The following APIP variants were observed in gnomAD, a reference collection of about 807,000 sequenced individuals.
APIP encodes the protein methylthioribulose-1-phosphate dehydratase.
In APIP, 32 loss-of-function variants were observed where a neutral mutation model predicts 32.0. The observed-to-expected ratio is 1.00, with a 90% CI of 0.76 to 1.34. The LOEUF (loss-of-function observed/expected upper bound fraction) is 1.34. Among genes scored for constraint, APIP ranks in the 40% most tolerant of loss-of-function variants. APIP has a pLI of 0.00. For missense variants in APIP, 247 were observed against 298.6 expected, an observed-to-expected ratio of 0.83 and a Z score of 1.27; for synonymous variants, 92 against 94.8, an observed-to-expected ratio of 0.97 and a Z score of 0.17.
intron 1 of APIP, among the ~76,000 whole-genome samples, chr11:34,899,851 C>A (rs1288715591): frequency 1.3e-5 from 2 of 152,198 alleles, no homozygotes; most frequent in African/African-American, 4.8e-5. Flanking sequence ...TTCTTCTCCA[C>A]CCTGGGTCAT....
chr11:34,894,328 T>C (rs1486985942), intron 2 of APIP, among the ~76,000 whole-genome samples: 1 of 151,940 alleles, frequency 6.6e-6, no homozygotes. Context: ...CAATAAAAAA[T>C]AATTATTAGG....
rs1238617241 is a variant in APIP at position 34,895,027 on chromosome 11, T to C, written c.141A>G (p.Gly47=). The change falls in exon 2 of 7, where the codon GGA becomes GGG. Residue 47 remains glycine (G), a synonymous_variant. Transcript: ENST00000395787. ...HLGWVTGTGG[G]ISLKHGDEIY... ...AAACTTACCCATGCTTCAAGCTAAT[T>C]CCTCCTCCAGTCCCAGTGACCCAGC... is the stretch of plus-strand genomic sequence containing the variant. 1 of 1,613,936 alleles carries C rather than the reference T, an allele frequency of 6.2e-7. No homozygotes were observed. Among genetic ancestry groups the C allele is most frequent in the Non-Finnish European group, 8.5e-7 (1 of 1,179,910 alleles).
intron 2 of APIP, among the ~76,000 whole-genome samples, chr11:34,892,481 C>T (rs545297382): frequency 6.6e-5 from 10 of 152,234 alleles, no homozygotes; most frequent in African/African-American, 2.4e-4. Flanking sequence ...ATTTTGTCTA[C>T]AATGTGACTT....
At chr11:34,896,906 T>G in intron 1 of APIP, 1 of 987,254 alleles carries the variant, frequency 1.0e-6, no homozygotes, top group Non-Finnish European at 1.4e-6. Flanking sequence ...GGAAACCTAA[T>G]GAAAAATCCC....
intron 1 of APIP, among the ~76,000 whole-genome samples, chr11:34,910,391 G>A (rs879479341): frequency 1.3e-5 from 2 of 152,198 alleles, no homozygotes; most frequent in South Asian, 2.1e-4. Context: ...TTTCAATAGT[G>A]TTGCTATAAA....
At chr11:34,909,096 AG>A (rs1853500924) in intron 1 of APIP, among the ~76,000 whole-genome samples, 2 of 152,210 alleles carry the variant, frequency 1.3e-5, no homozygotes, top group Non-Finnish European at 2.9e-5. Flanking sequence ...GGAAGCTGGA[AG>A]GAAGGGACTG....
At chr11:34,898,937 T>C (rs1284349217) in intron 1 of APIP, among the ~76,000 whole-genome samples, 1 of 152,050 alleles carries the variant, frequency 6.6e-6, no homozygotes, top group Non-Finnish European at 1.5e-5. Flanking sequence ...TAGCTGGGAC[T>C]ACAGGCGCCC....
At chr11:34,889,400 T>C (rs1373591172) in intron 3 of APIP, among the ~76,000 whole-genome samples, 2 of 152,104 alleles carry the variant, frequency 1.3e-5, no homozygotes, top group Non-Finnish European at 2.9e-5. Flanking sequence ...GAAATTTAGA[T>C]GGTACTCAGA....
At position 34,895,067 on chromosome 11, in the gene APIP, T is replaced by C; in HGVS notation, c.101A>G (p.Gln34Arg). 1.2e-6 allele frequency: 2 copies of C among 1,614,148 alleles called. No homozygotes were observed. Among genetic ancestry groups the C allele is most frequent in the Non-Finnish European group, 1.7e-6 (2 of 1,180,004 alleles). The part of the protein sequence containing the change: ...PRYLIPELCK[Q>R]FYHLGWVTGT... ...AGTGACCCAGCCTAAATGGTAAAAC[T>C]GTTTGCAAAGTTCTGGGATCAGGTA... The change falls in exon 2 of 7, where the codon CAG becomes CGG. Residue 34 changes from glutamine to arginine, a missense_variant. Physicochemically the swap from Gln to Arg is conservative, Grantham distance 43. Coordinates refer to ENST00000395787, the MANE Select transcript of APIP (RefSeq NM_015957.4).
chr11:34,885,272 T>C (rs949659082), intron 5 of APIP, among the ~76,000 whole-genome samples: 1 of 148,776 alleles, frequency 6.7e-6, no homozygotes, highest in Non-Finnish European at 1.5e-5. Context: ...TGTATATATA[T>C]ACATATAACT....
chr11:34,894,802 CT>C (rs1275838202), intron 2 of APIP, among the ~76,000 whole-genome samples: 1 of 152,218 alleles, frequency 6.6e-6, no homozygotes, highest in Non-Finnish European at 1.5e-5. Flanking sequence ...AATTGTGGAT[CT>C]TCAGTCTTTA....
intron 1 of APIP, among the ~76,000 whole-genome samples, chr11:34,915,133 C>T (rs947088829): frequency 6.7e-5 from 10 of 150,282 alleles, no homozygotes; most frequent in African/African-American, 2.4e-4. Flanking sequence ...AGTTTATTCT[C>T]GGGTCCCTTA....
chr11:34,884,437 A>T (rs557823397), intron 5 of APIP, among the ~76,000 whole-genome samples: 1 of 152,316 alleles, frequency 6.6e-6, no homozygotes, highest in South Asian at 2.1e-4. Context: ...GACTATCCTT[A>T]ACTATGGCTA....
In APIP at chr11:34,888,871, T is replaced by C; in HGVS notation, c.208-2A>G. The C allele has an allele frequency of 6.8e-7, 1 of 1,468,366 alleles. No homozygotes were observed. 91.0% of individuals were successfully genotyped at this position (1,468,366 alleles called of 1,614,324 possible). A position where few individuals can be genotyped will look rare whatever the true frequency, so the allele number is the denominator to read the frequency against. On this transcript the variant is annotated splice_acceptor_variant, in intron 3 of 6. Coordinates refer to ENST00000395787, the MANE Select transcript of APIP (RefSeq NM_015957.4). LOFTEE classifies it high-confidence loss of function. ...ATCACAAACAAACATGTCTTCAGGC[T>C]ATTTATAGAGGGGAAAAAAAGAAAA...
At chr11:34,912,510 C>A (rs2133925411) in intron 1 of APIP, among the ~76,000 whole-genome samples, 1 of 152,214 alleles carries the variant, frequency 6.6e-6, no homozygotes, top group Non-Finnish European at 1.5e-5. Context: ...AGTATTGATC[C>A]TAGGTGTGTC....
At chr11:34,899,431 T>C (rs1422135607) in intron 1 of APIP, among the ~76,000 whole-genome samples, 2 of 152,234 alleles carry the variant, frequency 1.3e-5, no homozygotes, top group African/African-American at 4.8e-5. Context: ...TTAAGGCACC[T>C]ATTCTGTCTC....
At chr11:34,905,426 G>T (rs1853432802) in intron 1 of APIP, among the ~76,000 whole-genome samples, 1 of 152,140 alleles carries the variant, frequency 6.6e-6, no homozygotes, top group South Asian at 2.1e-4. Flanking sequence ...TACCCTTAAA[G>T]ACCTAGCAGG....
At chr11:34,898,956 G>A (rs1853332388) in intron 1 of APIP, among the ~76,000 whole-genome samples, 1 of 151,896 alleles carries the variant, frequency 6.6e-6, no homozygotes, top group African/African-American at 2.4e-5. Flanking sequence ...CCGCCACCGC[G>A]CCCAGCTAAT....
At chr11:34,900,758 C>T (rs1853359114) in intron 1 of APIP, among the ~76,000 whole-genome samples, 1 of 152,046 alleles carries the variant, frequency 6.6e-6, no homozygotes, top group Non-Finnish European at 1.5e-5. Context: ...GTAGACAACC[C>T]TGACTGGAAC....
Sources: allele counts gnomAD v4.1 joint callset (sites outside exome capture counted in the v4.1 genomes callset), GRCh38; gene constraint gnomAD v4.1.1; transcripts MANE v1.5; gene names NCBI Gene and HGNC (gene_info 2026-07-23, HGNC 2026-07-21).